The following CACNA1E variants were observed in gnomAD, a reference collection of about 807,000 sequenced individuals.
CACNA1E encodes the protein voltage-dependent R-type calcium channel subunit alpha-1E.
Under a neutral mutation model 259.2 loss-of-function variants are expected in CACNA1E, and 40 were observed. That is an observed-to-expected ratio of 0.15 (90% CI 0.12 to 0.20). The LOEUF (loss-of-function observed/expected upper bound fraction) is 0.20. Among genes scored for constraint, CACNA1E ranks in the 10% least tolerant of loss-of-function variants. The pLI, the probability that CACNA1E is intolerant of heterozygous loss-of-function variation, is 1.00. For synonymous variants in CACNA1E, 1,104 were observed against 1,138.5 expected (o/e 0.97, Z 0.61); for missense variants, 1,874 against 3,040.1 (o/e 0.62, Z 9.02).
intron 6 of CACNA1E, among the ~76,000 whole-genome samples, chr1:181,625,247 T>C (rs1656089010): frequency 6.6e-6 from 1 of 152,094 alleles, no homozygotes; most frequent in African/African-American, 2.4e-5. Flanking sequence ...TAACTTAAAG[T>C]CACCAGTTGC....
chr1:181,365,964 T>G (rs1280913505), intron 1 of CACNA1E, among the ~76,000 whole-genome samples: 1 of 152,164 alleles, frequency 6.6e-6, no homozygotes, highest in Non-Finnish European at 1.5e-5. Flanking sequence ...GGGGACCTTC[T>G]GCTGTAACTG....
chr1:181,565,895 C>T (rs564438748), intron 3 of CACNA1E, among the ~76,000 whole-genome samples: 5 of 136,244 alleles, frequency 3.7e-5, no homozygotes, highest in South Asian at 2.3e-4. Flanking sequence ...GGGGTACCTG[C>T]GGAGAGAAAG....
intron 44 of CACNA1E, 57 bp downstream of exon 44, chr1:181,790,613 C>T (rs1350348678): frequency 2.8e-6 from 3 of 1,082,150 alleles, no homozygotes; most frequent in Non-Finnish European, 4.3e-6. Context: ...TGATCCCTCT[C>T]ACTAATTTTA....
At chr1:181,328,104 C>T (rs1309930650) in intron 1 of CACNA1E, among the ~76,000 whole-genome samples, 1 of 152,190 alleles carries the variant, frequency 6.6e-6, no homozygotes, top group Non-Finnish European at 1.5e-5. Context: ...ACACTGTAGG[C>T]TGGGTGGCTC....
chr1:181,459,749 G>T (rs11587173), intron 2 of CACNA1E, among the ~76,000 whole-genome samples: 2,637 of 152,266 alleles, frequency 0.017, 32 homozygotes, highest in Non-Finnish European at 0.028. Flanking sequence ...CCTCATGAAG[G>T]TGTACCTCCC....
chr1:181,490,044 C>T (rs932638090), intron 1 of CACNA1E, among the ~76,000 whole-genome samples: 2 of 152,188 alleles, frequency 1.3e-5, no homozygotes, highest in Non-Finnish European at 1.5e-5. Context: ...CCCCCAACCT[C>T]GTGGTTTCTT....
At chr1:181,764,667 A>G (rs893056606) in intron 34 of CACNA1E, among the ~76,000 whole-genome samples, 6 of 152,258 alleles carry the variant, frequency 3.9e-5, no homozygotes, top group South Asian at 2.1e-4. Flanking sequence ...CCTCACTTCA[A>G]TGAAAACTAT....
At chr1:181,615,520 A>G (rs569067497) in intron 6 of CACNA1E, among the ~76,000 whole-genome samples, 7 of 152,156 alleles carry the variant, frequency 4.6e-5, no homozygotes, top group Admixed American at 6.6e-5. Context: ...TTTTGATGCT[A>G]TCATAATTGG....
chr1:181,743,289 CTCTTT>C (rs72343861), intron 25 of CACNA1E, among the ~76,000 whole-genome samples: 1,696 of 152,346 alleles, frequency 0.011, 32 homozygotes, highest in African/African-American at 0.038. Context: ...TGAAACCTTC[CTCTTT>C]TATCTTTTTC....
chr1:181,456,344 T>C (rs753305326), intron 2 of CACNA1E, among the ~76,000 whole-genome samples: 21 of 152,082 alleles, frequency 1.4e-4, no homozygotes, highest in Non-Finnish European at 2.9e-4. Context: ...CTGTAGGGGG[T>C]ACTCCTGTGT....
At chr1:181,724,606 C>T in intron 17 of CACNA1E, 69 bp downstream of exon 17, 2 of 1,297,224 alleles carry the variant, frequency 1.5e-6, no homozygotes, top group South Asian at 2.5e-5. Context: ...CTTTGGAACT[C>T]TCTCCCAAAG....
chr1:181,762,174 A>G (rs996181935), intron 32 of CACNA1E, among the ~76,000 whole-genome samples: 4 of 152,242 alleles, frequency 2.6e-5, no homozygotes, highest in Admixed American at 2.6e-4. Flanking sequence ...ACAGGTACAA[A>G]CGTTTCCCCA....
At chr1:181,551,592 T>G (rs1259007341) in intron 3 of CACNA1E, among the ~76,000 whole-genome samples, 1 of 152,090 alleles carries the variant, frequency 6.6e-6, no homozygotes, top group Non-Finnish European at 1.5e-5. Flanking sequence ...GATTAGGAGC[T>G]CCACAGCAAC....
intron 22 of CACNA1E, among the ~76,000 whole-genome samples, chr1:181,736,819 C>G (rs1301055502): frequency 6.6e-6 from 1 of 152,120 alleles, no homozygotes; most frequent in Non-Finnish European, 1.5e-5. Context: ...ACCAGATCAC[C>G]TGTTGGAGTT....
At chr1:181,764,818 G>A (rs1242705156) in intron 34 of CACNA1E, among the ~76,000 whole-genome samples, 1 of 151,970 alleles carries the variant, frequency 6.6e-6, no homozygotes, top group Non-Finnish European at 1.5e-5. Flanking sequence ...ACAAACTTCA[G>A]TGGTTAGTCT....
intron 7 of CACNA1E, among the ~76,000 whole-genome samples, chr1:181,660,468 A>G (rs1391714518): frequency 6.6e-6 from 1 of 152,190 alleles, no homozygotes; most frequent in Middle Eastern, 3.2e-3. Context: ...AGATTCATAT[A>G]TGCAGGTCAC....
At chr1:181,592,141 C>A (rs1390591845) in intron 6 of CACNA1E, among the ~76,000 whole-genome samples, 1 of 152,208 alleles carries the variant, frequency 6.6e-6, no homozygotes, top group Admixed American at 6.5e-5. Flanking sequence ...CTTCCCTGAG[C>A]CTTCTCCCCC....
Position 181,798,621 on chromosome 1 carries a change from C to G in CACNA1E, c.6729C>G (p.Asp2243Glu). The part of the protein sequence containing the change: ...LALHEDSHAS[D>E]CGEEETLTFE... ...TGCACGAAGACTCCCACGCCTCAGA[C>G]TGTGGTGAGGAGGAGACGCTCACTT... The change falls in exon 48 of 48, where the codon GAC becomes GAG. Residue 2243 changes from aspartate to glutamate, a missense_variant. Physicochemically the swap from Asp to Glu is conservative, Grantham distance 45 (BLOSUM62 2). Coordinates refer to ENST00000367573, the MANE Select transcript of CACNA1E (RefSeq NM_001205293.3). The surrounding 1 kb of genome is among the most constrained non-coding windows in gnomAD (Gnocchi z 4.2). 6.2e-7 allele frequency: 1 copy of G among 1,613,016 alleles called. No homozygotes were observed. The highest frequency in any genetic ancestry group is 8.5e-7 in the Non-Finnish European group (1 of 1,179,566).
At chr1:181,660,577 T>G (rs1012800595) in intron 7 of CACNA1E, among the ~76,000 whole-genome samples, 7 of 152,166 alleles carry the variant, frequency 4.6e-5, no homozygotes, top group Admixed American at 1.3e-4. Context: ...CAACTATAAC[T>G]TCAGTGTTAA....
Sources: allele counts gnomAD v4.1 joint callset (sites outside exome capture counted in the v4.1 genomes callset), GRCh38; gene constraint gnomAD v4.1.1; non-coding constraint Gnocchi (gnomAD v3.1); transcripts MANE v1.5; gene names NCBI Gene and HGNC (gene_info 2026-07-23, HGNC 2026-07-21).